The following POPDC2 variants were observed in gnomAD, a reference collection of about 807,000 sequenced individuals.
The protein encoded by POPDC2 is popeye domain cAMP effector 2.
In POPDC2, 24 loss-of-function variants were observed where a neutral mutation model predicts 30.5. The observed-to-expected ratio is 0.79, with a 90% CI of 0.57 to 1.11. POPDC2 has a LOEUF of 1.11. Among genes scored for constraint, POPDC2 ranks in the 50% least tolerant of loss-of-function variants. The pLI, the probability that POPDC2 is intolerant of heterozygous loss-of-function variation, is 0.00. For missense variants in POPDC2, 409 were observed against 447.0 expected (o/e 0.91, Z 0.77); for synonymous variants, 185 against 183.3 (o/e 1.01, Z -0.07).
chr3:119,657,266 T>C (rs774969552), intron 1 of POPDC2, among the ~76,000 whole-genome samples: 4 of 152,208 alleles, frequency 2.6e-5, no homozygotes, highest in Non-Finnish European at 4.4e-5. Context: ...TCTACTTCCC[T>C]GGCTGCTAGG....
At chr3:119,645,566 C>CAAAAAAAAAAAAAAAA (rs201320482) in intron 3 of POPDC2, among the ~76,000 whole-genome samples, 2 of 115,250 alleles carry the variant, frequency 1.7e-5, no homozygotes, top group African/African-American at 3.3e-5. Context: ...CCGTCTCAAA[C>CAAAAAAAAAAAAAAAA]AAAAAAAAAA....
chr3:119,651,220 C>T (rs2052804412), intron 2 of POPDC2, among the ~76,000 whole-genome samples: 2 of 152,182 alleles, frequency 1.3e-5, no homozygotes, highest in South Asian at 4.1e-4. Flanking sequence ...GCTCTTTCCT[C>T]TGTCTGATAT....
rs1468927704 is a variant in POPDC2, at chr3:119,648,572, A to G, written c.697T>C (p.Phe233Leu). 6.2e-7 allele frequency: 1 copy of G among 1,614,058 alleles called. No individual in the cohort carries two copies. Among genetic ancestry groups the G allele is most frequent in the African/African-American group, 1.3e-5 (1 of 74,912 alleles). ...ATGTCATATCCCAGCAGAGCCGAGA[A>G]GAGGCAGGAGATGTATCGCTCTTTG... Reference protein sequence around the residue: ...LTKERYISCLFSALLGYDISE... With the variant: ...LTKERYISCLLSALLGYDISE... The change falls in exon 3 of 4, where the codon TTC (phenylalanine) becomes CTC (leucine). Residue 233 changes from phenylalanine (F) to leucine (L), a missense_variant. By Grantham distance (22) the Phe-to-Leu change is conservative (BLOSUM62 0). Coordinates refer to ENST00000493094, the MANE Select transcript of POPDC2 (RefSeq NM_001369919.2).
chr3:119,650,381 A>C (rs1460408766), intron 2 of POPDC2, among the ~76,000 whole-genome samples: 1 of 152,156 alleles, frequency 6.6e-6, no homozygotes, highest in Admixed American at 6.5e-5. Context: ...TTTATACTTA[A>C]CTGTCTCCAA....
chr3:119,643,545 A>G, intron 3 of POPDC2: 1 of 868,938 alleles, frequency 1.2e-6, no homozygotes, highest in Non-Finnish European at 1.8e-6. Context: ...CTAGTGCTTC[A>G]GAGCTTAAAA....
intron 1 of POPDC2, among the ~76,000 whole-genome samples, chr3:119,656,416 T>C (rs2052879774): frequency 6.6e-6 from 1 of 152,358 alleles, no homozygotes; most frequent in South Asian, 2.1e-4. Flanking sequence ...TTAACTGCTC[T>C]TGACTTGCCC....
At chr3:119,659,367 C>T (rs2052914104) in intron 1 of POPDC2, among the ~76,000 whole-genome samples, 1 of 152,150 alleles carries the variant, frequency 6.6e-6, no homozygotes, top group African/African-American at 2.4e-5. Flanking sequence ...ATTCACTCTC[C>T]CTACCTGGCT....
intron 1 of POPDC2, among the ~76,000 whole-genome samples, chr3:119,659,340 A>C (rs1037556591): frequency 2.0e-5 from 3 of 152,178 alleles, no homozygotes; most frequent in African/African-American, 4.8e-5. Flanking sequence ...CTGGAAATGG[A>C]AAGGTGGGCA....
chr3:119,648,615 AC>A lies in POPDC2; in HGVS notation c.653del (p.Ser218IlefsTer6). ...SCSYISWPRK[S>X]LHLLLTKERY... ...GCTCTTTGGTCAGAAGAAGATGGAG[AC>A]TTTTCCGGGGCCAGGAAATGTAGCT... On this transcript the variant is annotated frameshift_variant, in exon 3 of 4. Coordinates refer to ENST00000493094, the MANE Select transcript of POPDC2 (RefSeq NM_001369919.2). LOFTEE classifies it high-confidence loss of function. 6.2e-7 allele frequency: 1 copy of A among 1,614,136 alleles called. No homozygotes were observed. The highest frequency in any genetic ancestry group is 8.5e-7 in the Non-Finnish European group (1 of 1,180,018).
At chr3:119,644,790 GA>G (rs1480682503) in intron 3 of POPDC2, among the ~76,000 whole-genome samples, 1 of 152,144 alleles carries the variant, frequency 6.6e-6, no homozygotes, top group Admixed American at 6.6e-5. Flanking sequence ...AATAGATGGT[GA>G]ATGGTGCCCT....
chr3:119,643,340 T>C, intron 3 of POPDC2: 1 of 1,476,332 alleles, frequency 6.8e-7, no homozygotes, highest in Non-Finnish European at 9.2e-7. Context: ...GCACATGTTT[T>C]CTTTAGGCCT....
chr3:119,642,698 AGGGGCAGG>A, intron 3 of POPDC2, 137 bp from the exon 4 acceptor site: 1 of 595,096 alleles, frequency 1.7e-6, no homozygotes. Context: ...CTGACATGAT[AGGGGCAGG>A]TGTACCTTCG....
In POPDC2 at chr3:119,660,015, C is replaced by T; in HGVS notation, c.409G>A (p.Val137Ile). 3 of 1,614,176 alleles carry T rather than the reference C, an allele frequency of 1.9e-6. No homozygotes were observed. The highest frequency in any genetic ancestry group is 4.5e-5 in the East Asian group (2 of 44,882). The change falls in exon 1 of 4, where the codon GTC becomes ATC. Residue 137 changes from valine (V) to isoleucine (I), a missense_variant. By Grantham distance (29) the Val-to-Ile change is conservative (BLOSUM62 3). Coordinates refer to ENST00000493094, the MANE Select transcript of POPDC2 (RefSeq NM_001369919.2). The part of the protein sequence containing the change: ...KEIVHCCEEQ[V>I]LTLATEQTYA... ...GTCTGTTCAGTGGCCAGAGTTAAGA[C>T]CTGCTCCTCGCAGCAGTGAACAATC... is the stretch of plus-strand genomic sequence containing the variant.
chr3:119,659,533 A>G (rs776300925), intron 1 of POPDC2, among the ~76,000 whole-genome samples: 3 of 152,244 alleles, frequency 2.0e-5, no homozygotes, highest in Admixed American at 6.5e-5. Context: ...TGAGTAAGGA[A>G]CAGATTAACC....
intron 1 of POPDC2, among the ~76,000 whole-genome samples, chr3:119,658,441 C>G (rs566576090): frequency 6.6e-6 from 1 of 152,362 alleles, no homozygotes; most frequent in Admixed American, 6.5e-5. Flanking sequence ...CCTAACTGAA[C>G]TATACAGTAA....
At chr3:119,650,681 C>T (rs1411339817) in intron 2 of POPDC2, among the ~76,000 whole-genome samples, 1 of 152,218 alleles carries the variant, frequency 6.6e-6, no homozygotes, top group African/African-American at 2.4e-5. Flanking sequence ...CGCTCTTGAA[C>T]CATTCCCTCT....
intron 3 of POPDC2, among the ~76,000 whole-genome samples, chr3:119,646,203 A>G (rs1452387563): frequency 6.6e-6 from 1 of 152,184 alleles, no homozygotes; most frequent in Admixed American, 6.5e-5. Flanking sequence ...TAGATACAGC[A>G]AGGCAAAAAA....
At chr3:119,647,939 A>C (rs2052762413) in intron 3 of POPDC2, among the ~76,000 whole-genome samples, 180 bp downstream of exon 3, 1 of 152,240 alleles carries the variant, frequency 6.6e-6, no homozygotes, top group African/African-American at 2.4e-5. Context: ...TGAGTTTTTA[A>C]AATCCCTTCA....
intron 1 of POPDC2, among the ~76,000 whole-genome samples, chr3:119,655,544 C>T (rs2052869775): frequency 3.9e-5 from 6 of 152,212 alleles, no homozygotes; most frequent in Admixed American, 3.9e-4. Context: ...TCTCCTTTCT[C>T]CCTTCCCATT....
Sources: gnomAD v4.1 joint callset for allele counts (sites outside exome capture counted in the v4.1 genomes callset) on GRCh38, gnomAD v4.1.1 for gene constraint, MANE v1.5 for transcripts, NCBI Gene and HGNC (gene_info 2026-07-23, HGNC 2026-07-21) for gene names.